PRKN: variants seen among roughly 807,000 people sequenced by gnomAD.
PRKN encodes the protein parkin RBR E3 ubiquitin protein ligase.
Under a neutral mutation model 59.5 loss-of-function variants are expected in PRKN, and 56 were observed. The ratio of observed to expected loss-of-function variants is 0.94; its 90% confidence interval spans 0.76 to 1.18. PRKN has a LOEUF of 1.18. PRKN is among the 50% of genes most tolerant of loss of function. The pLI, the probability that PRKN is intolerant of heterozygous loss-of-function variation, is 0.00. For missense variants in PRKN, 657 were observed against 596.4 expected, an observed-to-expected ratio of 1.10 and a Z score of -1.06; for synonymous variants, 250 against 222.1, an observed-to-expected ratio of 1.13 and a Z score of -1.12.
chr6:162,234,581 T>C (rs1778566321), intron 3 of PRKN, among the ~76,000 whole-genome samples: 1 of 152,216 alleles, frequency 6.6e-6, no homozygotes, highest in African/African-American at 2.4e-5. Context: ...CATCCTACTG[T>C]ATACTTTAAA....
At chr6:162,546,843 C>A (rs555381458) in intron 1 of PRKN, among the ~76,000 whole-genome samples, 23 of 152,168 alleles carry the variant, frequency 1.5e-4, no homozygotes, top group Non-Finnish European at 2.5e-4. Flanking sequence ...CAGACTGAAA[C>A]AACCACCACC....
At chr6:162,100,243 G>A (rs965520033) in intron 4 of PRKN, among the ~76,000 whole-genome samples, 9 of 152,182 alleles carry the variant, frequency 5.9e-5, no homozygotes, top group African/African-American at 2.2e-4. Context: ...GGACATGGGA[G>A]TGCAGACATC....
chr6:161,865,643 T>C (rs1794082164), intron 6 of PRKN, among the ~76,000 whole-genome samples: 1 of 152,224 alleles, frequency 6.6e-6, no homozygotes, highest in Non-Finnish European at 1.5e-5. Flanking sequence ...CTCTGCTAAC[T>C]TCAAACTTTT....
At chr6:162,423,705 T>C (rs546684638) in intron 2 of PRKN, among the ~76,000 whole-genome samples, 1 of 152,212 alleles carries the variant, frequency 6.6e-6, no homozygotes, top group African/African-American at 2.4e-5. Context: ...CAGAAATTGA[T>C]GAAGACTTCA....
At chr6:162,179,617 G>A (rs539386039) in intron 4 of PRKN, among the ~76,000 whole-genome samples, 4 of 152,254 alleles carry the variant, frequency 2.6e-5, no homozygotes, top group East Asian at 1.9e-4. Context: ...CTAGAGGAGC[G>A]TATACATGTG....
chr6:162,426,296 T>G (rs887220191), intron 2 of PRKN, among the ~76,000 whole-genome samples: 1 of 152,146 alleles, frequency 6.6e-6, no homozygotes, highest in Admixed American at 6.5e-5. Flanking sequence ...AGAAACTATA[T>G]ATATGTCAAA....
At chr6:162,141,222 G>A (rs993482543) in intron 4 of PRKN, among the ~76,000 whole-genome samples, 12 of 152,072 alleles carry the variant, frequency 7.9e-5, no homozygotes, top group Non-Finnish European at 1.2e-4. Context: ...GCATACTCAC[G>A]TTTTTGTAAA....
rs1479652206 is a variant in PRKN, at chr6:162,235,924, AG to A, written c.412+26600del. On this transcript the variant is annotated intron_variant, in intron 3 of 11. Transcript: ENST00000366898. The stretch of plus-strand genomic sequence containing the variant: ...AGGAAAGGAAGGAAGGAAGGAAGGA[AG>A]GAAGGAAGGAAGGAAGGAAGGAAGG... Among the ~76,000 whole-genome samples the A allele has an allele frequency of 4.4e-5, 4 of 91,774 alleles. 1 individual carries two copies. Among genetic ancestry groups the A allele is most frequent in the African/African-American group, 2.5e-4 (4 of 16,136 alleles). 60.2% of individuals were successfully genotyped at this position (91,774 alleles called of 152,430 possible). A position where few individuals can be genotyped will look rare whatever the true frequency, so the allele number is the denominator to read the frequency against.
At chr6:161,603,000 T>C (rs1782160353) in intron 7 of PRKN, among the ~76,000 whole-genome samples, 1 of 152,194 alleles carries the variant, frequency 6.6e-6, no homozygotes, top group Non-Finnish European at 1.5e-5. Context: ...TTCACCCACA[T>C]TACTTCCCTT....
chr6:162,240,477 C>T (rs1054616782), intron 3 of PRKN, among the ~76,000 whole-genome samples: 4 of 152,072 alleles, frequency 2.6e-5, no homozygotes, highest in Admixed American at 2.0e-4. Context: ...TGTCTCATGG[C>T]TACCTACTGA....
chr6:162,216,455 G>A lies in PRKN; in HGVS notation c.413-15203C>T, dbSNP rs549842428. Among the ~76,000 whole-genome samples, 385 of 149,028 alleles carry A rather than the reference G, an allele frequency of 2.6e-3. 9 individuals carry two copies. The East Asian group carries it at 0.048, about 19-fold the overall frequency. On this transcript the variant is annotated intron_variant, in intron 3 of 11. Coordinates refer to ENST00000366898, the MANE Select transcript of PRKN (RefSeq NM_004562.3). ...TGAGGCAGGAGAATGGCGTGAACCC[G>A]GGAAGCGGAGCTTGCAGTGAGCCGA...
Position 162,190,810 on chromosome 6 carries a change from T to G in PRKN, c.534+10321A>C, listed in dbSNP as rs1003522614. On this transcript the variant is annotated intron_variant, in intron 4 of 11. Coordinates refer to ENST00000366898, the MANE Select transcript of PRKN (RefSeq NM_004562.3). ...ATGTAGGAAGAAAAGGCTACTAAAT[T>G]CTATTTATGTTTCCCCAGTGAGATT... Among the ~76,000 whole-genome samples the G allele has an allele frequency of 2.0e-5, 3 of 152,174 alleles. No homozygotes were observed. The East Asian group carries it at 5.8e-4, about 29-fold the overall frequency.
At chr6:162,249,804 G>A (rs183731356) in intron 3 of PRKN, among the ~76,000 whole-genome samples, 1 of 152,146 alleles carries the variant, frequency 6.6e-6, no homozygotes, top group Admixed American at 6.6e-5. Context: ...TCATCTGGAT[G>A]AAAATAGCAT....
intron 1 of PRKN, among the ~76,000 whole-genome samples, chr6:162,613,379 A>T (rs1417510025): frequency 6.6e-6 from 1 of 152,208 alleles, no homozygotes; most frequent in Non-Finnish European, 1.5e-5. Flanking sequence ...ATAAATTTCA[A>T]TCCTGTATTA....
chr6:162,722,564 G>T (rs1234065185), intron 1 of PRKN, among the ~76,000 whole-genome samples: 1 of 152,204 alleles, frequency 6.6e-6, no homozygotes, highest in Non-Finnish European at 1.5e-5. Context: ...ACAATTAAAG[G>T]CTGCAGAAAC....
chr6:162,457,165 C>T (rs1323389037), intron 1 of PRKN, among the ~76,000 whole-genome samples: 1 of 151,990 alleles, frequency 6.6e-6, no homozygotes, highest in Non-Finnish European at 1.5e-5. Context: ...AATAATTTTA[C>T]CATGTTGGTG....
intron 6 of PRKN, among the ~76,000 whole-genome samples, chr6:161,941,457 C>A (rs1434168925): frequency 2.8e-4 from 43 of 152,226 alleles, no homozygotes; most frequent in Admixed American, 2.7e-3. Flanking sequence ...TCTGGCTCCC[C>A]CAGCTGCTGA....
At chr6:162,370,996 T>A (rs1785735499) in intron 2 of PRKN, among the ~76,000 whole-genome samples, 1 of 152,220 alleles carries the variant, frequency 6.6e-6, no homozygotes, top group South Asian at 2.1e-4. Context: ...AGAATGCTAC[T>A]GCTATTAGCC....
At chr6:161,979,219 A>T (rs1413965761) in intron 5 of PRKN, among the ~76,000 whole-genome samples, 1 of 152,084 alleles carries the variant, frequency 6.6e-6, no homozygotes, top group Non-Finnish European at 1.5e-5. Flanking sequence ...ATAAGGCTTT[A>T]GAAAATGTGC....
Sources: allele counts gnomAD v4.1 joint callset (sites outside exome capture counted in the v4.1 genomes callset), GRCh38; gene constraint gnomAD v4.1.1; transcripts MANE v1.5; gene names NCBI Gene and HGNC (gene_info 2026-07-23, HGNC 2026-07-21).